Variants in KCNJ4 observed in about 807,000 individuals in gnomAD.
KCNJ4 encodes the protein inward rectifier potassium channel 4.
KCNJ4 carries 3 observed loss-of-function variants against 25.6 expected under a neutral mutation model. The observed-to-expected ratio is 0.12, with a 90% CI of 0.05 to 0.30. The LOEUF (loss-of-function observed/expected upper bound fraction) is 0.30, where lower values mean the gene tolerates loss of function less well. KCNJ4 is among the 10% of genes least tolerant of loss of function. The pLI, the probability that KCNJ4 is intolerant of heterozygous loss-of-function variation, is 1.00. For missense variants in KCNJ4, 286 were observed against 666.8 expected (o/e 0.43, Z 6.29); for synonymous variants, 257 against 283.9 (o/e 0.91, Z 0.95).
At chr22:38,446,847 T>C (rs1249056184) in intron 1 of KCNJ4, among the ~76,000 whole-genome samples, 1 of 151,784 alleles carries the variant, frequency 6.6e-6, no homozygotes, top group African/African-American at 2.4e-5. Context: ...TCCTAGCTAC[T>C]TGGGAGGCTG....
chr22:38,442,607 C>T (rs894954908), intron 1 of KCNJ4, among the ~76,000 whole-genome samples: 9 of 150,980 alleles, frequency 6.0e-5, no homozygotes, highest in East Asian at 3.9e-4. Context: ...CTATGGGCTG[C>T]GTGGCTTTGG....
chr22:38,446,635 C>G (rs1243771419), intron 1 of KCNJ4, among the ~76,000 whole-genome samples: 3 of 152,130 alleles, frequency 2.0e-5, no homozygotes, highest in Non-Finnish European at 4.4e-5. Flanking sequence ...CACAGGCTCA[C>G]AGGATCTTCC....
At chr22:38,428,197 A>G (rs2093038946) in intron 1 of KCNJ4, 26 bp from the exon 2 acceptor site, 1 of 1,544,680 alleles carries the variant, frequency 6.5e-7, no homozygotes, top group Admixed American at 1.9e-5. Flanking sequence ...CGGACAGGTG[A>G]GATGCTGGGG....
Position 38,427,588 on chromosome 22 carries a change from G to A in KCNJ4, c.545C>T (p.Ala182Val), listed in dbSNP as rs1027652302. 6.2e-7 allele frequency: 1 copy of A among 1,612,018 alleles called. No individual in the cohort carries two copies. The highest frequency in any genetic ancestry group is 1.7e-5 in the Admixed American group (1 of 59,984). ...GTGGTGGCTGAACAGCAACGTCTGC[G>A]CCCGCTTCTTGGGCCGCGCCATCTT... ...MAKMARPKKR[A>V]QTLLFSHHAV... The change falls in exon 2 of 2, where the codon GCG becomes GTG. Residue 182 changes from alanine (A) to valine (V), a missense_variant. Physicochemically the swap from Ala to Val is moderately conservative, Grantham distance 64. Around this residue, in one of 11 missense-constraint regions of KCNJ4, gnomAD observed 0 missense variants for 19.7 expected, o/e 0.00. Coordinates refer to ENST00000303592, the MANE Select transcript of KCNJ4 (RefSeq NM_152868.3).
At chr22:38,452,789 C>G (rs2089417847) in intron 1 of KCNJ4, among the ~76,000 whole-genome samples, 1 of 151,640 alleles carries the variant, frequency 6.6e-6, no homozygotes, top group Non-Finnish European at 1.5e-5. Flanking sequence ...CCCCAGCTAG[C>G]CTGGCCCTGG....
intron 1 of KCNJ4, among the ~76,000 whole-genome samples, chr22:38,453,029 G>A (rs2087717908): frequency 3.8e-5 from 3 of 79,066 alleles, no homozygotes; most frequent in Admixed American, 1.7e-4. Flanking sequence ...CTTAGCACTC[G>A]CCCCCGCCTC....
In KCNJ4 at chr22:38,426,978, C is replaced by T; in HGVS notation, c.1155G>A (p.Glu385=). 1 of 1,612,860 alleles carries T rather than the reference C, an allele frequency of 6.2e-7. No homozygotes were observed. Among genetic ancestry groups the T allele is most frequent in the Non-Finnish European group, 8.5e-7 (1 of 1,179,884 alleles). The change falls in exon 2 of 2, where the codon GAG becomes GAA. Residue 385 remains glutamate (E), a synonymous_variant. Transcript: ENST00000303592. ...NELALMSQEE[E]EMEEEAAAAA... ...CCGCAGCTGCCTCCTCCTCCATCTC[C>T]TCTTCCTCCTGGCTCATAAGGGCCA...
rs573392208 is a variant in KCNJ4 at position 38,445,842 on chromosome 22, G to A, written c.-40+9138C>T. Among the ~76,000 whole-genome samples, 6 of 152,322 alleles carry A rather than the reference G, an allele frequency of 3.9e-5. No homozygotes were observed. In the East Asian group the frequency reaches 1.2e-3, roughly 29 times the overall value. ...GGCCTGAGTGGGGGTTAGGAGCGGT[G>A]AAATGGGATCCGGCGTGTGTCTTGA... On this transcript the variant is annotated intron_variant, in intron 1 of 1. Transcript: ENST00000303592.
intron 1 of KCNJ4, among the ~76,000 whole-genome samples, chr22:38,451,733 TC>T (rs1397112263): frequency 1.3e-5 from 2 of 151,736 alleles, no homozygotes; most frequent in Non-Finnish European, 2.9e-5. Context: ...TGGGTCCACT[TC>T]CCCCTCAGGC....
chr22:38,444,068 G>C (rs979322434), intron 1 of KCNJ4, among the ~76,000 whole-genome samples: 1 of 152,024 alleles, frequency 6.6e-6, no homozygotes, highest in Non-Finnish European at 1.5e-5. Flanking sequence ...CTACCATTCA[G>C]GTCTTGATTC....
Position 38,427,038 on chromosome 22 carries a change from C to T in KCNJ4, c.1095G>A (p.Pro365=), listed in dbSNP as rs761527264. 43 of 1,609,068 alleles carry T rather than the reference C, an allele frequency of 2.7e-5. No individual in the cohort carries two copies. The South Asian group carries it at 3.2e-4, about 12-fold the overall frequency. Residue 365 remains proline, a synonymous_variant, in exon 2 of 2, where the codon CCG becomes CCA. Coordinates refer to ENST00000303592, the MANE Select transcript of KCNJ4 (RefSeq NM_152868.3). The part of the protein sequence containing the change: ...ESKITVLPAP[P]PPPSAFCYEN... Reference sequence around the variant, plus strand: ...CGTAGCAGAAGGCACTGGGAGGGGGCGGTGGGGCGGGCAGCACGGTGATCT... The same window carrying T: ...CGTAGCAGAAGGCACTGGGAGGGGGTGGTGGGGCGGGCAGCACGGTGATCT...
intron 1 of KCNJ4, among the ~76,000 whole-genome samples, chr22:38,435,846 G>A (rs1012983338): frequency 6.6e-6 from 1 of 152,142 alleles, no homozygotes; most frequent in Non-Finnish European, 1.5e-5. Flanking sequence ...AACTTTGCAG[G>A]GAGGAAGAGA....
chr22:38,427,146 G>A lies in KCNJ4; in HGVS notation c.987C>T (p.Tyr329=), dbSNP rs2093035385. The A allele has an allele frequency of 6.2e-7, 1 of 1,613,184 alleles. No individual in the cohort carries two copies. The change falls in exon 2 of 2, where the codon TAC becomes TAT. Residue 329 remains tyrosine (Y), a synonymous_variant. Coordinates refer to ENST00000303592, the MANE Select transcript of KCNJ4 (RefSeq NM_152868.3). ...EPVVFEEKSH[Y]KVDYSRFHKT... Reference sequence around the variant, plus strand: ...TGTGAAAACGTGAGTAGTCCACCTTGTAGTGGCTCTTCTCCTCGAAGACCA... The same window carrying A: ...TGTGAAAACGTGAGTAGTCCACCTTATAGTGGCTCTTCTCCTCGAAGACCA...
At chr22:38,437,261 C>T (rs2267387) in intron 1 of KCNJ4, among the ~76,000 whole-genome samples, 69,068 of 152,124 alleles carry the variant, frequency 0.45, 16,615 homozygotes, top group East Asian at 0.75. Flanking sequence ...AAATCACAGG[C>T]GCTGGGGGCT....
chr22:38,436,703 G>A (rs2093066581), intron 1 of KCNJ4, among the ~76,000 whole-genome samples: 1 of 152,132 alleles, frequency 6.6e-6, no homozygotes, highest in African/African-American at 2.4e-5. Context: ...CATTGAGCAC[G>A]CATTTACTCA....
intron 1 of KCNJ4, among the ~76,000 whole-genome samples, chr22:38,432,471 C>G (rs1338124317): frequency 6.6e-6 from 1 of 152,124 alleles, no homozygotes; most frequent in Non-Finnish European, 1.5e-5. Flanking sequence ...GAGAGGCCCT[C>G]TGTCACAGCC....
chr22:38,439,428 TCTC>T (rs1414140649), intron 1 of KCNJ4, among the ~76,000 whole-genome samples: 1 of 151,350 alleles, frequency 6.6e-6, no homozygotes, highest in Non-Finnish European at 1.5e-5. Context: ...TGAGACTCCG[TCTC>T]AAATAAATAA....
At chr22:38,452,666 T>C (rs947717890) in intron 1 of KCNJ4, among the ~76,000 whole-genome samples, 1 of 151,952 alleles carries the variant, frequency 6.6e-6, no homozygotes. Flanking sequence ...GGGAGAGGCA[T>C]GAAAAGTGGA....
In KCNJ4 at chr22:38,449,205, C is replaced by T. The variant is rs892089482; in HGVS notation, c.-40+5775G>A. On this transcript the variant is annotated intron_variant, in intron 1 of 1. Coordinates refer to ENST00000303592, the MANE Select transcript of KCNJ4 (RefSeq NM_152868.3). This position sits in a 1 kb window ranked among gnomAD's most constrained non-coding sequence, Gnocchi z 5.2. ...GAAAGGGGAGGCCTAGGCTGGCAGA[C>T]ATGTACCCACCTCCCTTCAGGTGGC... 1.3e-5 allele frequency among the ~76,000 whole-genome samples: 2 copies of T among 152,150 alleles called. No individual in the cohort carries two copies. Among genetic ancestry groups the T allele is most frequent in the African/African-American group, 4.8e-5 (2 of 41,456 alleles).
Sources: allele counts gnomAD v4.1 joint callset (sites outside exome capture counted in the v4.1 genomes callset), GRCh38; gene constraint gnomAD v4.1.1; regional missense constraint gnomAD v4.1.1; non-coding constraint Gnocchi (gnomAD v3.1); transcripts MANE v1.5; gene names NCBI Gene and HGNC (gene_info 2026-07-23, HGNC 2026-07-21).